Variants in EEF1E1 observed in about 807,000 individuals in gnomAD.
EEF1E1 encodes the protein eukaryotic translation elongation factor 1 epsilon 1.
EEF1E1 carries 19 observed loss-of-function variants against 19.9 expected under a neutral mutation model. That is an observed-to-expected ratio of 0.95 (90% CI 0.66 to 1.40). The LOEUF (loss-of-function observed/expected upper bound fraction) is 1.40. Among genes scored for constraint, EEF1E1 ranks in the 40% most tolerant of loss-of-function variants. EEF1E1 has a pLI of 0.00. For synonymous variants in EEF1E1, 81 were observed against 80.0 expected (o/e 1.01, Z -0.07); for missense variants, 198 against 202.2 (o/e 0.98, Z 0.13).
intron 3 of EEF1E1, among the ~76,000 whole-genome samples, chr6:8,083,427 A>G (rs1650239990): frequency 6.6e-6 from 1 of 152,234 alleles, no homozygotes; most frequent in African/African-American, 2.4e-5. Flanking sequence ...CAAGCAGCAC[A>G]TAATATTACA....
At chr6:8,098,239 C>T (rs542788388) in intron 1 of EEF1E1, among the ~76,000 whole-genome samples, 2 of 152,148 alleles carry the variant, frequency 1.3e-5, no homozygotes, top group Admixed American at 1.3e-4. Flanking sequence ...CCCACCTCAG[C>T]CTCCCAAGTA....
At chr6:8,077,015 C>T (rs1188805093), downstream of EEF1E1, among the ~76,000 whole-genome samples, 30 of 147,454 alleles carry the variant, frequency 2.0e-4, no homozygotes, top group Non-Finnish European at 3.1e-4. Context: ...GCGATCTCGG[C>T]TCACTGCAAG....
rs1411082133 is a variant in EEF1E1, at chr6:8,101,773, G to C, written c.87+662C>G. ...ACCAGGCAATCTCATACCTTGTGAT[G>C]TTTCCCGCATTCACTGTGGGTCGTA... is the stretch of plus-strand genomic sequence containing the variant. On this transcript the variant is annotated intron_variant, in intron 1 of 3. Transcript: ENST00000379715. The C allele has an allele frequency of 3.1e-6, 4 of 1,289,352 alleles. No homozygotes were observed. The South Asian group carries it at 3.7e-5, about 12-fold the overall frequency. 79.9% of individuals were successfully genotyped at this position (1,289,352 alleles called of 1,614,324 possible). A position where few individuals can be genotyped will look rare whatever the true frequency, so the allele number is the denominator to read the frequency against.
Position 8,090,210 on chromosome 6 carries a change from C to A in EEF1E1, c.360G>T (p.Leu120Phe). Residue 120 changes from leucine to phenylalanine, a missense_variant, in exon 3 of 4, where the codon TTG (leucine) becomes TTT (phenylalanine). Coordinates refer to ENST00000379715, the MANE Select transcript of EEF1E1 (RefSeq NM_004280.5). The part of the protein sequence containing the change: ...GYNFTLADIL[L>F]YYGLHRFIVD... Reference sequence around the variant, plus strand: ...CTATAAAGCGATGAAGTCCATAGTACAATAGTATATCTGCTAATGTAAAGT... The same window carrying A: ...CTATAAAGCGATGAAGTCCATAGTAAAATAGTATATCTGCTAATGTAAAGT... 2 of 1,527,446 alleles carry A rather than the reference C, an allele frequency of 1.3e-6. No homozygotes were observed. Among genetic ancestry groups the A allele is most frequent in the African/African-American group, 1.4e-5 (1 of 69,834 alleles). The allele number at this position is 1,527,446 out of a possible 1,614,324, so 94.6% of individuals were successfully genotyped here. A position where few individuals can be genotyped will look rare whatever the true frequency, so the allele number is the denominator to read the frequency against.
At chr6:8,087,656 T>C (rs1208521183) in intron 3 of EEF1E1, among the ~76,000 whole-genome samples, 2 of 152,106 alleles carry the variant, frequency 1.3e-5, no homozygotes, top group African/African-American at 2.4e-5. Flanking sequence ...CCTGTCTGAG[T>C]TGATTATTTT....
At chr6:8,087,731 G>A (rs767019610) in intron 3 of EEF1E1, among the ~76,000 whole-genome samples, 6 of 152,216 alleles carry the variant, frequency 3.9e-5, no homozygotes, top group Non-Finnish European at 7.3e-5. Flanking sequence ...ATCTCTTACA[G>A]TCCATCCTCT....
At chr6:8,095,130 A>G (rs1758129851) in intron 2 of EEF1E1, among the ~76,000 whole-genome samples, 1 of 152,172 alleles carries the variant, frequency 6.6e-6, no homozygotes, top group Non-Finnish European at 1.5e-5. Flanking sequence ...CAACGCTAAC[A>G]TGTTATTAAA....
chr6:8,100,768 G>A (rs1440607335), intron 1 of EEF1E1, among the ~76,000 whole-genome samples: 2 of 151,002 alleles, frequency 1.3e-5, no homozygotes, highest in Non-Finnish European at 1.5e-5. Flanking sequence ...TTTTCTTTAC[G>A]TACAGCTGTC....
chr6:8,100,722 T>C (rs888781929), intron 1 of EEF1E1, among the ~76,000 whole-genome samples: 2 of 151,952 alleles, frequency 1.3e-5, no homozygotes, highest in Admixed American at 6.6e-5. Flanking sequence ...GTTGCACTCT[T>C]GCAACATATT....
At chr6:8,087,751 C>T (rs1757901400) in intron 3 of EEF1E1, among the ~76,000 whole-genome samples, 3 of 152,136 alleles carry the variant, frequency 2.0e-5, no homozygotes, top group Admixed American at 2.0e-4. Context: ...TTTAGATGAA[C>T]AAAAGATTCT....
At chr6:8,080,198 A>G (rs1757692509) in intron 3 of EEF1E1, among the ~76,000 whole-genome samples, 168 bp from the exon 4 acceptor site, 1 of 152,218 alleles carries the variant, frequency 6.6e-6, no homozygotes, top group Admixed American at 6.5e-5. Flanking sequence ...CCCAGTGAAC[A>G]CTGACTTATA....
At position 8,097,321 on chromosome 6, in the gene EEF1E1, C is replaced by T. The variant is rs1478186913; in HGVS notation, c.234G>A (p.Arg78=). Residue 78 remains arginine, a synonymous_variant, in exon 2 of 4, where the codon AGG becomes AGA. Transcript: ENST00000379715. ...KAIVQQWLEY[R]VTQVDGHSSK... ...TGGAGTGCCCATCTACTTGAGTGAC[C>T]CTGTATTCTAACCACTGCTGAACGA... 1 of 1,614,060 alleles carries T rather than the reference C, an allele frequency of 6.2e-7. No homozygotes were observed. Among genetic ancestry groups the T allele is most frequent in the Non-Finnish European group, 8.5e-7 (1 of 1,180,022 alleles).
At chr6:8,082,164 T>G (rs2113638675) in intron 3 of EEF1E1, among the ~76,000 whole-genome samples, 1 of 152,350 alleles carries the variant, frequency 6.6e-6, no homozygotes, top group Middle Eastern at 3.4e-3. Flanking sequence ...CTTAAACATT[T>G]TACATTTGGA....
In EEF1E1 at chr6:8,080,024, G is replaced by C. The variant is rs1233812317; in HGVS notation, c.391C>G (p.Leu131Val). The C allele has an allele frequency of 6.2e-7, 1 of 1,612,934 alleles. No homozygotes were observed. The highest frequency in any genetic ancestry group is 1.3e-5 in the African/African-American group (1 of 74,852). The stretch of plus-strand genomic sequence containing the variant: ...TATTTCTCCTTTTCTTGAACTGTCA[G>C]GTCAACCTAAGTAGAGATTAAAAAC... ...YYGLHRFIVD[L>V]TVQEKEKYLN... Residue 131 changes from leucine (L) to valine (V), a missense_variant, in exon 4 of 4, where the codon CTG becomes GTG. By Grantham distance (32) the Leu-to-Val change is conservative. Transcript: ENST00000379715.
intron 3 of EEF1E1, among the ~76,000 whole-genome samples, chr6:8,086,210 A>G (rs1757849236): frequency 6.6e-6 from 1 of 152,150 alleles, no homozygotes; most frequent in African/African-American, 2.4e-5. Flanking sequence ...TTATTACGGT[A>G]CGTTTGCGGG....
At chr6:8,076,730 T>C (rs1236424318), downstream of EEF1E1, among the ~76,000 whole-genome samples, 1 of 152,172 alleles carries the variant, frequency 6.6e-6, no homozygotes, top group Non-Finnish European at 1.5e-5. Context: ...ACTGTATTTA[T>C]CTCCTTTTTA....
intron 2 of EEF1E1, 137 bp downstream of exon 2, chr6:8,097,130 G>T: frequency 1.2e-6 from 1 of 840,342 alleles, no homozygotes; most frequent in Non-Finnish European, 1.9e-6. Context: ...TCCAGGCAGA[G>T]GGAATAACAG....
chr6:8,091,720 T>A (rs1264118220), intron 2 of EEF1E1, among the ~76,000 whole-genome samples: 1 of 152,200 alleles, frequency 6.6e-6, no homozygotes, highest in South Asian at 2.1e-4. Context: ...TCATAAAACC[T>A]TCAGAGAAAG....
chr6:8,088,967 C>A (rs1250658999), intron 3 of EEF1E1, among the ~76,000 whole-genome samples: 11 of 150,492 alleles, frequency 7.3e-5, no homozygotes. Context: ...AGGAACTGAG[C>A]CAGTATGAGA....
Sources: allele counts gnomAD v4.1 joint callset (sites outside exome capture counted in the v4.1 genomes callset), GRCh38; gene constraint gnomAD v4.1.1; transcripts MANE v1.5; gene names NCBI Gene and HGNC (gene_info 2026-07-23, HGNC 2026-07-21).